Variants in N4BP2 observed in about 807,000 individuals in gnomAD.
The protein encoded by N4BP2 is NEDD4-binding protein 2.
A neutral mutation model predicts 152.8 loss-of-function variants in N4BP2; 91 were observed. The observed-to-expected ratio is 0.60, with a 90% CI of 0.50 to 0.71. The LOEUF is 0.71. Ranked by LOEUF, N4BP2 falls within the 30% of genes least tolerant of loss-of-function variation. The probability of loss-of-function intolerance (pLI) is 0.00; values close to 1 mark genes in which losing one functional copy is unlikely to be tolerated. For synonymous variants in N4BP2, 646 were observed against 705.3 expected, an observed-to-expected ratio of 0.92 and a Z score of 1.33; for missense variants, 1,923 against 2,059.1, an observed-to-expected ratio of 0.93 and a Z score of 1.28.
At chr4:40,124,250 G>T (rs758251695) in intron 11 of N4BP2, 45 bp downstream of exon 11, 1 of 1,462,660 alleles carries the variant, frequency 6.8e-7, no homozygotes, top group South Asian at 1.3e-5. Flanking sequence ...GTTGAAATTT[G>T]GTGTGTGTGT....
At chr4:40,130,577 T>C (rs1005998157) in intron 12 of N4BP2, among the ~76,000 whole-genome samples, 1 of 151,942 alleles carries the variant, frequency 6.6e-6, no homozygotes. Flanking sequence ...GTGCAGTGAC[T>C]TCATCTGAGC....
At chr4:40,071,885 A>G (rs925388641) in intron 1 of N4BP2, among the ~76,000 whole-genome samples, 1 of 151,708 alleles carries the variant, frequency 6.6e-6, no homozygotes, top group Non-Finnish European at 1.5e-5. Context: ...TTTTTTTAAA[A>G]AACATTTTTA....
chr4:40,058,671 A>G (rs1428120689), intron 1 of N4BP2, among the ~76,000 whole-genome samples: 4 of 152,244 alleles, frequency 2.6e-5, no homozygotes, highest in African/African-American at 9.6e-5. Context: ...GGCTTAAGTT[A>G]TGGTAGAGGC....
intron 13 of N4BP2, 76 bp from the exon 14 acceptor site, chr4:40,136,868 A>G (rs1719453764): frequency 9.2e-7 from 1 of 1,087,120 alleles, no homozygotes; most frequent in Non-Finnish European, 1.3e-6. Context: ...AAGATGTTTG[A>G]AGATTGCTTG....
chr4:40,079,542 T>TA (rs1553918859), intron 2 of N4BP2, among the ~76,000 whole-genome samples: 2 of 152,098 alleles, frequency 1.3e-5, no homozygotes, highest in Middle Eastern at 3.2e-3. Context: ...ATAACACTAT[T>TA]AGAGATCATG....
the N4BP2 span, among the ~76,000 whole-genome samples, chr4:40,182,411 C>CT: frequency 6.6e-6 from 1 of 152,150 alleles, no homozygotes; most frequent in African/African-American, 2.4e-5. Context: ...GGTATAAATC[C>CT]TTCCAGGGAT....
the N4BP2 span, among the ~76,000 whole-genome samples, chr4:40,181,362 T>A: frequency 6.6e-6 from 1 of 152,174 alleles, no homozygotes; most frequent in South Asian, 2.1e-4. Flanking sequence ...TCCCTTCTTC[T>A]CAAAACATTT....
chr4:40,168,885 C>T, the N4BP2 span, among the ~76,000 whole-genome samples: 2,828 of 151,800 alleles, frequency 0.019, 84 homozygotes, highest in African/African-American at 0.063. Context: ...CCACCACACC[C>T]GGCTAATTTT....
intron 14 of N4BP2, among the ~76,000 whole-genome samples, chr4:40,141,671 T>G (rs1015069210): frequency 6.7e-6 from 1 of 148,456 alleles, no homozygotes; most frequent in African/African-American, 2.5e-5. Flanking sequence ...CGCTCCTCAC[T>G]TCCCAGACGG....
intron 7 of N4BP2, among the ~76,000 whole-genome samples, chr4:40,114,098 A>G (rs1212587871): frequency 6.6e-6 from 1 of 152,172 alleles, no homozygotes; most frequent in Non-Finnish European, 1.5e-5. Flanking sequence ...CCTGCCTCCC[A>G]CTATGGCTAT....
In N4BP2 at chr4:40,120,448, C is replaced by T. The variant is rs1343160219; in HGVS notation, c.2337C>T (p.Phe779=). The change falls in exon 9 of 18, where the codon TTC becomes TTT. Residue 779 remains phenylalanine, a synonymous_variant. Transcript: ENST00000261435. ...AAAGCAAATCGACTTTGGAAAAGTT[C>T]CCAAGACATGAGCTATCAAATTTTG... ...KQKSKSTLEK[F]PRHELSNFVG... is the part of the protein sequence containing the mutation. 2 of 1,613,794 alleles carry T rather than the reference C, an allele frequency of 1.2e-6. No individual in the cohort carries two copies. The highest frequency in any genetic ancestry group is 2.2e-5 in the East Asian group (1 of 44,874).
intron 15 of N4BP2, 33 bp downstream of exon 15, chr4:40,142,894 C>T (rs924178382): frequency 1.9e-6 from 3 of 1,579,962 alleles, no homozygotes; most frequent in South Asian, 2.2e-5. Context: ...TATTTTTTGT[C>T]AGTTATAATA....
the N4BP2 span, among the ~76,000 whole-genome samples, chr4:40,178,626 A>G: frequency 1.3e-5 from 2 of 152,236 alleles, no homozygotes; most frequent in Non-Finnish European, 2.9e-5. Flanking sequence ...ACCATGCTTA[A>G]CAAGGACAAT....
chr4:40,131,197 C>T (rs1026156678), intron 12 of N4BP2, among the ~76,000 whole-genome samples: 1 of 152,160 alleles, frequency 6.6e-6, no homozygotes, highest in African/African-American at 2.4e-5. Flanking sequence ...AAATTTCTCT[C>T]AGGTCTCAGT....
At position 40,065,835 on chromosome 4, in the gene N4BP2, C is replaced by T. The variant is rs753008897; in HGVS notation, c.-211-7620C>T. Among the ~76,000 whole-genome samples, 6 of 151,284 alleles carry T rather than the reference C, an allele frequency of 4.0e-5. 1 individual carries two copies. Among genetic ancestry groups the T allele is most frequent in the Non-Finnish European group, 8.8e-5 (6 of 67,910 alleles). ...GTTTGGGAGGTAAGAAGTGGTTGAC[C>T]GGGGGCATGGATATGATACATGCGC... On this transcript the variant is annotated intron_variant, in intron 1 of 17. Transcript: ENST00000261435.
rs1443546955 is a variant in N4BP2, at chr4:40,138,127, ACATGG to A, written c.4785+1046_4785+1050del. Among the ~76,000 whole-genome samples the A allele has an allele frequency of 8.5e-5, 13 of 152,302 alleles. No homozygotes were observed. The East Asian group carries it at 2.3e-3, about 27-fold the overall frequency. On this transcript the variant is annotated intron_variant, in intron 14 of 17. Transcript: ENST00000261435. ...AGTGGCAGAATACAGAAAATAAAAG[ACATGG>A]TTAATACAGAAATGGTGTCTTATTG...
intron 1 of N4BP2, among the ~76,000 whole-genome samples, chr4:40,066,889 G>A (rs1217891497): frequency 6.6e-6 from 1 of 151,858 alleles, no homozygotes; most frequent in Non-Finnish European, 1.5e-5. Flanking sequence ...TGGCAACCAC[G>A]ATTCTACTTT....
chr4:40,062,101 C>T (rs1159202118), intron 1 of N4BP2, among the ~76,000 whole-genome samples: 10 of 118,588 alleles, frequency 8.4e-5, no homozygotes, highest in South Asian at 2.8e-4. Flanking sequence ...TTTCTTGAGA[C>T]GGAGTCTCGC....
At position 40,154,571 on chromosome 4, in the gene N4BP2, T is replaced by A. The variant is rs1721444892; in HGVS notation, c.*334T>A. ...TTAATTGTTGTATGACATTTAGTAA[T>A]GTCCTAAAAGTCTTTTGTGAGAGGT... On this transcript the variant is annotated 3_prime_UTR_variant, in exon 18 of 18. Coordinates refer to ENST00000261435, the MANE Select transcript of N4BP2 (RefSeq NM_018177.6). 4.3e-6 allele frequency: 1 copy of A among 231,076 alleles called. No individual in the cohort carries two copies. Among genetic ancestry groups the A allele is most frequent in the Non-Finnish European group, 8.3e-6 (1 of 120,074 alleles). The allele number at this position is 231,076 out of a possible 1,614,324, so 14.3% of individuals were successfully genotyped here.
Sources: allele counts gnomAD v4.1 joint callset (sites outside exome capture counted in the v4.1 genomes callset), GRCh38; gene constraint gnomAD v4.1.1; transcripts MANE v1.5; gene names NCBI Gene and HGNC (gene_info 2026-07-23, HGNC 2026-07-21).